Variants in CTNNA2 observed in about 807,000 individuals in gnomAD.
The protein encoded by CTNNA2 is catenin alpha 2.
CTNNA2 carries 42 observed loss-of-function variants against 101.0 expected under a neutral mutation model. That is an observed-to-expected ratio of 0.42 (90% CI 0.32 to 0.54). The LOEUF (loss-of-function observed/expected upper bound fraction) is 0.54, where lower values mean the gene tolerates loss of function less well. Ranked by LOEUF, CTNNA2 falls within the 20% of genes least tolerant of loss-of-function variation. The pLI is 0.14. For synonymous variants in CTNNA2, 450 were observed against 456.4 expected (o/e 0.99, Z 0.18); for missense variants, 871 against 1,223.1 (o/e 0.71, Z 4.29).
chr2:80,078,859 T>A (rs1257179322), intron 7 of CTNNA2, among the ~76,000 whole-genome samples: 2 of 152,192 alleles, frequency 1.3e-5, no homozygotes, highest in Admixed American at 6.5e-5. Context: ...CCCTCCCTTT[T>A]ATCTTGTCCT....
intron 7 of CTNNA2, among the ~76,000 whole-genome samples, chr2:80,347,157 C>T (rs997824965): frequency 7.9e-5 from 12 of 152,202 alleles, no homozygotes; most frequent in African/African-American, 2.7e-4. Context: ...GCAGATTCAG[C>T]GCTCTGCCCC....
chr2:79,249,775 C>T (rs1057097728), intron 2 of CTNNA2, among the ~76,000 whole-genome samples: 2 of 152,056 alleles, frequency 1.3e-5, no homozygotes, highest in Middle Eastern at 3.2e-3. Context: ...GCATAGTTTC[C>T]AACAGCTTTC....
At chr2:80,097,782 T>C (rs149699422) in intron 7 of CTNNA2, among the ~76,000 whole-genome samples, 17 of 152,228 alleles carry the variant, frequency 1.1e-4, no homozygotes, top group Non-Finnish European at 1.5e-5. Flanking sequence ...ATACCCTTTC[T>C]TCCAGTTGAT....
At chr2:79,464,645 G>T (rs1670914766) in intron 4 of CTNNA2, among the ~76,000 whole-genome samples, 1 of 152,118 alleles carries the variant, frequency 6.6e-6, no homozygotes, top group Non-Finnish European at 1.5e-5. Flanking sequence ...TCCAGCACCT[G>T]TTGTTTCCTG....
intron 2 of CTNNA2, among the ~76,000 whole-genome samples, chr2:79,223,854 C>G (rs893541124): frequency 6.6e-5 from 10 of 152,118 alleles, no homozygotes; most frequent in Admixed American, 3.3e-4. Context: ...GTTAGGAGAA[C>G]AGATTTCTGG....
At chr2:79,825,273 T>G (rs999207972) in intron 3 of CTNNA2, among the ~76,000 whole-genome samples, 1 of 152,150 alleles carries the variant, frequency 6.6e-6, no homozygotes, top group African/African-American at 2.4e-5. Flanking sequence ...AGTCAATGAA[T>G]GCCATTACAG....
At chr2:80,550,015 A>C (rs2149643967) in intron 11 of CTNNA2, among the ~76,000 whole-genome samples, 1 of 152,336 alleles carries the variant, frequency 6.6e-6, no homozygotes, top group African/African-American at 2.4e-5. Flanking sequence ...TTCTGACCAA[A>C]AAGTTCATGT....
chr2:80,569,633 G>GTTTTTTTTTTT (rs70940088), intron 12 of CTNNA2, among the ~76,000 whole-genome samples: 2,860 of 51,566 alleles, frequency 0.055, 766 homozygotes, highest in Non-Finnish European at 0.077. Context: ...GGGTATTTAG[G>GTTTTTTTTTTT]TTTTTTTTTT....
chr2:80,159,261 A>C (rs1372573381), intron 7 of CTNNA2, among the ~76,000 whole-genome samples: 2 of 152,224 alleles, frequency 1.3e-5, no homozygotes, highest in Non-Finnish European at 1.5e-5. Context: ...AGAAGAAGGT[A>C]CAGATATGTT....
At chr2:79,965,827 CAAAAAAAAAAAA>C (rs10686940) in intron 7 of CTNNA2, among the ~76,000 whole-genome samples, 3 of 77,996 alleles carry the variant, frequency 3.8e-5, no homozygotes, top group East Asian at 7.2e-4. Flanking sequence ...GAGACTATGT[CAAAAAAAAAAAA>C]AAAAAAAAAA....
chr2:80,404,387 T>G (rs552223057), intron 8 of CTNNA2, among the ~76,000 whole-genome samples: 5 of 151,950 alleles, frequency 3.3e-5, no homozygotes, highest in South Asian at 2.1e-4. Context: ...GAGAAAAAAA[T>G]AGTAATATAT....
intron 4 of CTNNA2, among the ~76,000 whole-genome samples, chr2:79,388,027 G>A (rs993120548): frequency 6.6e-6 from 1 of 152,148 alleles, no homozygotes. Context: ...GTATTAAGGG[G>A]AGAATAAAGC....
At chr2:79,733,890 G>C (rs1047946613) in intron 2 of CTNNA2, among the ~76,000 whole-genome samples, 2 of 152,114 alleles carry the variant, frequency 1.3e-5, no homozygotes, top group Admixed American at 6.6e-5. Context: ...AAAAGATGAT[G>C]AATGTTGGGA....
At chr2:80,235,010 T>A (rs1480881370) in intron 7 of CTNNA2, among the ~76,000 whole-genome samples, 1 of 152,152 alleles carries the variant, frequency 6.6e-6, no homozygotes, top group African/African-American at 2.4e-5. Flanking sequence ...CACTTGTTTA[T>A]AAAATTTGCA....
At chr2:79,873,026 T>G (rs1682709952) in intron 5 of CTNNA2, among the ~76,000 whole-genome samples, 1 of 152,216 alleles carries the variant, frequency 6.6e-6, no homozygotes, top group South Asian at 2.1e-4. Flanking sequence ...ACAAATCATC[T>G]TTGGCCTGTT....
At chr2:79,800,674 A>T (rs1676086505) in intron 3 of CTNNA2, among the ~76,000 whole-genome samples, 1 of 152,152 alleles carries the variant, frequency 6.6e-6, no homozygotes, top group South Asian at 2.1e-4. Flanking sequence ...CTCTAGAGGT[A>T]TGTGATGGGA....
chr2:80,329,993 C>G (rs112306719), intron 7 of CTNNA2, among the ~76,000 whole-genome samples: 1 of 152,248 alleles, frequency 6.6e-6, no homozygotes, highest in Non-Finnish European at 1.5e-5. Flanking sequence ...TTCAAGGTGC[C>G]CTGCACCCCT....
intron 1 of CTNNA2, among the ~76,000 whole-genome samples, chr2:79,640,881 C>T (rs1680404561): frequency 6.6e-6 from 1 of 152,112 alleles, no homozygotes. Context: ...ATGTCAATTT[C>T]TTAATGAGCC....
At chr2:80,354,024 T>C (rs1370810428) in intron 7 of CTNNA2, among the ~76,000 whole-genome samples, 1 of 151,996 alleles carries the variant, frequency 6.6e-6, no homozygotes, top group Non-Finnish European at 1.5e-5. Context: ...CCAGGGTAAA[T>C]GGAGGTAAAT....
Sources: gnomAD v4.1 joint callset for allele counts (sites outside exome capture counted in the v4.1 genomes callset) on GRCh38, gnomAD v4.1.1 for gene constraint, MANE v1.5 for transcripts, NCBI Gene and HGNC (gene_info 2026-07-23, HGNC 2026-07-21) for gene names.